CAPN14: variants seen among roughly 807,000 people sequenced by gnomAD.
The protein encoded by CAPN14 is calpain-14.
In CAPN14, 94 loss-of-function variants were observed where a neutral mutation model predicts 101.3. The ratio of observed to expected loss-of-function variants is 0.93; its 90% confidence interval spans 0.79 to 1.10. The LOEUF (loss-of-function observed/expected upper bound fraction) is 1.10. Ranked by LOEUF, CAPN14 falls within the 50% of genes least tolerant of loss-of-function variation. The probability of loss-of-function intolerance (pLI) is 0.00; values close to 1 mark genes in which losing one functional copy is unlikely to be tolerated. For synonymous variants in CAPN14, 338 were observed against 317.9 expected, an observed-to-expected ratio of 1.06 and a Z score of -0.67; for missense variants, 837 against 828.4, an observed-to-expected ratio of 1.01 and a Z score of -0.13.
At chr2:31,191,435 A>AG in intron 11 of CAPN14, 28 bp from the exon 12 acceptor site, 1 of 1,532,598 alleles carries the variant, frequency 6.5e-7, no homozygotes. Context: ...AAACAGAAAA[A>AG]AAAAAAAAAA....
intron 1 of CAPN14, among the ~76,000 whole-genome samples, chr2:31,209,491 C>T (rs1682281874): frequency 6.6e-6 from 1 of 152,120 alleles, no homozygotes; most frequent in Non-Finnish European, 1.5e-5. Context: ...ACATCAGGAG[C>T]ATCACCAGAC....
At chr2:31,216,811 A>C (rs1682666230) in intron 1 of CAPN14, among the ~76,000 whole-genome samples, 1 of 152,102 alleles carries the variant, frequency 6.6e-6, no homozygotes, top group African/African-American at 2.4e-5. Flanking sequence ...CACTCAGACA[A>C]GGGCAATTTC....
At chr2:31,181,423 T>TTTCTTTCA (rs1680605142) in intron 16 of CAPN14, among the ~76,000 whole-genome samples, 1 of 149,644 alleles carries the variant, frequency 6.7e-6, no homozygotes, top group Non-Finnish European at 1.5e-5. Context: ...TCTTTCTTTC[T>TTTCTTTCA]TTCTTTCTTT....
At chr2:31,233,923 C>G (rs991952414), upstream of CAPN14, 4 of 152,570 alleles carry the variant, frequency 2.6e-5, no homozygotes, top group African/African-American at 9.7e-5. Context: ...GCCCCAGAGG[C>G]GGAGACTGAG....
chr2:31,190,487 G>A (rs910616612), intron 12 of CAPN14, among the ~76,000 whole-genome samples: 1 of 152,126 alleles, frequency 6.6e-6, no homozygotes, highest in Non-Finnish European at 1.5e-5. Flanking sequence ...AGCCACGGTA[G>A]CTGTCCTGGG....
intron 9 of CAPN14, 21 bp downstream of exon 9, chr2:31,194,383 TTTGTC>T: frequency 6.5e-7 from 1 of 1,533,668 alleles, no homozygotes; most frequent in Non-Finnish European, 8.8e-7. Flanking sequence ...GGCCAGGACA[TTTGTC>T]CAAGTCCCTA....
chr2:31,211,224 GAGAA>G (rs1185671494), intron 1 of CAPN14, among the ~76,000 whole-genome samples: 2 of 130,568 alleles, frequency 1.5e-5, no homozygotes, highest in Non-Finnish European at 3.3e-5. Context: ...AAAAGAAAGA[GAGAA>G]AGAAAGAAAA....
At chr2:31,205,523 G>A (rs1682028380) in intron 1 of CAPN14, 24 bp from the exon 2 acceptor site, 1 of 1,183,816 alleles carries the variant, frequency 8.4e-7, no homozygotes, top group South Asian at 1.3e-5. Flanking sequence ...AGGACGGTCA[G>A]TTTCCTCACT....
intron 16 of CAPN14, among the ~76,000 whole-genome samples, chr2:31,181,748 C>T (rs1680648835): frequency 7.1e-6 from 1 of 140,696 alleles, no homozygotes. Context: ...GTTCAATTCC[C>T]ACCTATGAGT....
intron 7 of CAPN14, among the ~76,000 whole-genome samples, chr2:31,198,751 T>A (rs1205470303): frequency 6.6e-6 from 1 of 152,146 alleles, no homozygotes; most frequent in Non-Finnish European, 1.5e-5. Flanking sequence ...AGAGGTTCTT[T>A]AACTTAAACC....
intron 17 of CAPN14, 117 bp downstream of exon 17, chr2:31,180,819 T>C: frequency 1.2e-6 from 1 of 826,506 alleles, no homozygotes; most frequent in South Asian, 1.7e-5. Flanking sequence ...CTCAGTGGCT[T>C]GTCCAGGATC....
intron 1 of CAPN14, among the ~76,000 whole-genome samples, chr2:31,213,563 CA>C (rs759949985): frequency 6.6e-6 from 1 of 152,342 alleles, no homozygotes; most frequent in Middle Eastern, 3.4e-3. Flanking sequence ...GGGCTAGGCA[CA>C]GGGGTAAGCT....
intron 20 of CAPN14, 79 bp downstream of exon 20, chr2:31,176,947 G>A: frequency 2.8e-6 from 3 of 1,072,568 alleles, no homozygotes; most frequent in Non-Finnish European, 4.2e-6. Flanking sequence ...GTCCTCCCTT[G>A]TGCTTAAACT....
chr2:31,197,618 A>G (rs182647513), intron 7 of CAPN14, among the ~76,000 whole-genome samples: 1 of 152,374 alleles, frequency 6.6e-6, no homozygotes, highest in African/African-American at 2.4e-5. Flanking sequence ...CAAAGAGGAT[A>G]TGTACACTTA....
rs1358628201 is a variant in CAPN14, at chr2:31,180,929, A to G, written c.1710+7T>C. Reference sequence around the variant, plus strand: ...GCAAGCATCCACCCACAAACCTGAAAGGATACGTCCAGTAAGGCCAGGATC... The same window carrying G: ...GCAAGCATCCACCCACAAACCTGAAGGGATACGTCCAGTAAGGCCAGGATC... On this transcript the variant is annotated splice_region_variant and intron_variant, in intron 17 of 21. Coordinates refer to ENST00000403897, the MANE Select transcript of CAPN14 (RefSeq NM_001145122.2). The G allele has an allele frequency of 6.4e-7, 1 of 1,551,452 alleles. No homozygotes were observed. Among genetic ancestry groups the G allele is most frequent in the East Asian group, 2.4e-5 (1 of 40,914 alleles).
chr2:31,183,199 AGAC>A (rs1680738118), intron 16 of CAPN14, among the ~76,000 whole-genome samples: 1 of 152,058 alleles, frequency 6.6e-6, no homozygotes, highest in East Asian at 1.9e-4. Context: ...GATGGATTAA[AGAC>A]TTACATGTTA....
chr2:31,231,781 T>C (rs4592898), intron 1 of CAPN14, among the ~76,000 whole-genome samples: 1,605 of 152,250 alleles, frequency 0.011, 39 homozygotes, highest in African/African-American at 0.037. Context: ...CAGGCTCAGA[T>C]CTCTCCAAGG....
At chr2:31,199,441 G>T in intron 7 of CAPN14, 29 bp downstream of exon 7, 1 of 1,543,858 alleles carries the variant, frequency 6.5e-7, no homozygotes, top group Non-Finnish European at 8.8e-7. Context: ...AAGGCTGAGA[G>T]GGAAACCGAA....
At position 31,200,565 on chromosome 2, in the gene CAPN14, GAA is replaced by G; in HGVS notation, c.610_611del (p.Phe204HisfsTer65). 1 of 1,551,664 alleles carries G rather than the reference GAA, an allele frequency of 6.4e-7. No individual in the cohort carries two copies. The highest frequency in any genetic ancestry group is 8.7e-7 in the Non-Finnish European group (1 of 1,146,988). ...SGQVSEALVDFTGGVTMTINL... is the reference protein window; with the variant it reads ...SGQVSEALVDXTGGVTMTINL... ...TGATGGTCATTGTCACCCCTCCAGT[GAA>G]GTCTACAAGGGCTTCAGACACCTGT... On this transcript the variant is annotated frameshift_variant, in exon 6 of 22. Transcript: ENST00000403897. LOFTEE classifies it high-confidence loss of function.
Sources: allele counts gnomAD v4.1 joint callset (sites outside exome capture counted in the v4.1 genomes callset), GRCh38; gene constraint gnomAD v4.1.1; transcripts MANE v1.5; gene names NCBI Gene and HGNC (gene_info 2026-07-23, HGNC 2026-07-21).